AARS2: variants seen among roughly 807,000 people sequenced by gnomAD.
AARS2 encodes the protein alanyl-tRNA synthetase 2, mitochondrial, also known as alanine--tRNA ligase, mitochondrial.
AARS2 carries 78 observed loss-of-function variants against 119.7 expected under a neutral mutation model. The observed-to-expected ratio is 0.65, with a 90% CI of 0.54 to 0.79. AARS2 has a LOEUF of 0.79. Ranked by LOEUF, AARS2 falls within the 30% of genes least tolerant of loss-of-function variation. AARS2 has a pLI of 0.00. For missense variants in AARS2, 1,157 were observed against 1,291.3 expected, an observed-to-expected ratio of 0.90 and a Z score of 1.59; for synonymous variants, 502 against 526.3, an observed-to-expected ratio of 0.95 and a Z score of 0.63.
At position 44,311,133 on chromosome 6, in the gene AARS2, CA is replaced by C. The variant is rs745314479; in HGVS notation, c.609del (p.Phe203LeufsTer36). 14 of 1,614,114 alleles carry C rather than the reference CA, an allele frequency of 8.7e-6. No homozygotes were observed. In the East Asian group the frequency reaches 3.1e-4, roughly 36 times the overall value. ...ATCTCCCAGAAGTTCTCTTGTGGTC[CA>C]AAGGAAAGCACACGGCTAGCAGGCA... Reference protein sequence around the residue: ...LGVPASRVLSFGPQENFWEMG... With the variant: ...LGVPASRVLSXGPQENFWEMG... On this transcript the variant is annotated frameshift_variant, in exon 4 of 22. Transcript: ENST00000244571. LOFTEE classifies it high-confidence loss of function.
In AARS2 at chr6:44,305,873, C is replaced by T; in HGVS notation, c.1301-87G>A. ...AAATAAGGTCCAGGGCCCTTCTAAC[C>T]ACGCAGAAGCCACCAGATGCCAAAC... On this transcript the variant is annotated intron_variant, in intron 9 of 21. Transcript: ENST00000244571. The surrounding 1 kb of genome is among the most constrained non-coding windows in gnomAD (Gnocchi z 4.6). 1 of 1,513,264 alleles carries T rather than the reference C, an allele frequency of 6.6e-7. No homozygotes were observed. The highest frequency in any genetic ancestry group is 9.1e-7 in the Non-Finnish European group (1 of 1,093,544). The allele number at this position is 1,513,264 out of a possible 1,614,324, so 93.7% of individuals were successfully genotyped here. A position where few individuals can be genotyped will look rare whatever the true frequency, so the allele number is the denominator to read the frequency against.
At position 44,303,308 on chromosome 6, in the gene AARS2, G is replaced by A. The variant is rs763985033; in HGVS notation, c.2123C>T (p.Pro708Leu). 1 of 1,614,156 alleles carries A rather than the reference G, an allele frequency of 6.2e-7. No individual in the cohort carries two copies. Among genetic ancestry groups the A allele is most frequent in the South Asian group, 1.1e-5 (1 of 91,092 alleles). The change falls in exon 15 of 22, where the codon CCT becomes CTT. Residue 708 changes from proline to leucine, a missense_variant. By Grantham distance (98) the Pro-to-Leu change is moderately conservative. Coordinates refer to ENST00000244571, the MANE Select transcript of AARS2 (RefSeq NM_020745.4). ...CACCTCATCCAGAGAGCGCAGGCCAGGGACCTGGGCAGTGAGCGCCAGGGG... is the reference window on the plus strand; with the variant it reads ...CACCTCATCCAGAGAGCGCAGGCCAAGGACCTGGGCAGTGAGCGCCAGGGG... Reference protein sequence around the residue: ...EVPLALTAQVPGLRSLDEVYP... With the variant: ...EVPLALTAQVLGLRSLDEVYP...
chr6:44,309,262 G>T (rs1239681228), intron 5 of AARS2, among the ~76,000 whole-genome samples: 1 of 152,102 alleles, frequency 6.6e-6, no homozygotes, highest in Admixed American at 6.6e-5. Context: ...CACCCCTACT[G>T]CCCCCAAACT....
At chr6:44,311,586 A>G in intron 2 of AARS2, 51 bp from the exon 3 acceptor site, 1 of 1,601,068 alleles carries the variant, frequency 6.2e-7, no homozygotes, top group Non-Finnish European at 8.5e-7. Context: ...TGAGAGGGAG[A>G]CCCCACTGAA....
intron 15 of AARS2, 48 bp downstream of exon 15, chr6:44,303,238 G>A (rs1785516328): frequency 4.3e-6 from 7 of 1,613,928 alleles, no homozygotes; most frequent in Non-Finnish European, 5.9e-6. Flanking sequence ...CTCCAGGTAT[G>A]CCTGAAGGAG....
chr6:44,310,640 C>T (rs778690256), intron 4 of AARS2, among the ~76,000 whole-genome samples, 197 bp from the exon 5 acceptor site: 1 of 152,242 alleles, frequency 6.6e-6, no homozygotes, highest in Non-Finnish European at 1.5e-5. Flanking sequence ...TCATATAGGG[C>T]TATTTCCATT....
intron 15 of AARS2, 22 bp from the exon 16 acceptor site, chr6:44,303,197 C>T (rs899329209): frequency 1.5e-5 from 24 of 1,613,944 alleles, no homozygotes; most frequent in Non-Finnish European, 1.9e-5. Context: ...AGGGGACAGG[C>T]CCGTTAACTG....
At chr6:44,304,899 ACCCCC>A in intron 11 of AARS2, 82 bp from the exon 12 acceptor site, 4 of 1,607,334 alleles carry the variant, frequency 2.5e-6, no homozygotes, top group Non-Finnish European at 3.4e-6. Context: ...GCCAACAAGC[ACCCCC>A]GCTGGCAGGG....
At position 44,308,772 on chromosome 6, in the gene AARS2, C is replaced by T. The variant is rs540317000; in HGVS notation, c.895-1378G>A. ...GTGCCACCATGCCTGGCTGATTTTT[C>T]TATTTTTTTAGTAGAGACAGGATTT... is the stretch of plus-strand genomic sequence containing the variant. On this transcript the variant is annotated intron_variant, in intron 5 of 21. Coordinates refer to ENST00000244571, the MANE Select transcript of AARS2 (RefSeq NM_020745.4). Among the ~76,000 whole-genome samples, 298 of 152,018 alleles carry T rather than the reference C, an allele frequency of 2.0e-3. 1 individual carries two copies. Among genetic ancestry groups the T allele is most frequent in the African/African-American group, 6.5e-3 (271 of 41,496 alleles).
chr6:44,307,076 G>A lies in AARS2; in HGVS notation c.1041-45C>T. 4 of 1,606,916 alleles carry A rather than the reference G, an allele frequency of 2.5e-6. No homozygotes were observed. Among genetic ancestry groups the A allele is most frequent in the Non-Finnish European group, 3.4e-6 (4 of 1,174,040 alleles). On this transcript the variant is annotated intron_variant, in intron 6 of 21. Transcript: ENST00000244571. The surrounding 1 kb of genome is among the most constrained non-coding windows in gnomAD (Gnocchi z 4.4). ...AGACATGAATCCCCAGCGGCTCATG[G>A]TCAGCAATATGGGGAGTGGGAAGGA... is the stretch of plus-strand genomic sequence containing the variant.
At chr6:44,311,924 T>G in intron 2 of AARS2, 148 bp downstream of exon 2, 1 of 967,642 alleles carries the variant, frequency 1.0e-6, no homozygotes, top group Non-Finnish European at 1.7e-6. Flanking sequence ...TACAATCCAA[T>G]CAGGGAGGTG....
chr6:44,313,342 C>CT lies in AARS2; in HGVS notation c.-20dup. On this transcript the variant is annotated 5_prime_UTR_variant, in exon 1 of 22. Transcript: ENST00000244571. ...CTGCCATCGTAGCTCCGGGCAGTGA[C>CT]TTTACGTGGTCAAAGAGTGACGAGG... 2 of 1,597,296 alleles carry CT rather than the reference C, an allele frequency of 1.3e-6. No individual in the cohort carries two copies. The highest frequency in any genetic ancestry group is 2.2e-5 in the South Asian group (2 of 90,530).
In AARS2 at chr6:44,305,712, C is replaced by G. The variant is rs768123515; in HGVS notation, c.1375G>C (p.Glu459Gln). Residue 459 changes from glutamate (E) to glutamine (Q), a missense_variant, in exon 10 of 22, where the codon GAG (glutamate) becomes CAG (glutamine). By Grantham distance (29) the Glu-to-Gln change is conservative. Transcript: ENST00000244571. The surrounding 1 kb of genome is among the most constrained non-coding windows in gnomAD (Gnocchi z 4.6). ...PLDMVELMLEEKGVQLDSAGL... is the reference protein window; with the variant it reads ...PLDMVELMLEQKGVQLDSAGL... ...GCGGAGTCTAGCTGGACCCCTTTCT[C>G]CTCCAGCATCAGCTCTACCATGTCC... 4 of 1,614,042 alleles carry G rather than the reference C, an allele frequency of 2.5e-6. No individual in the cohort carries two copies. In the East Asian group the frequency reaches 8.9e-5, roughly 36 times the overall value.
At position 44,311,038 on chromosome 6, in the gene AARS2, G is replaced by A. The variant is rs1358890634; in HGVS notation, c.705C>T (p.Pro235=). ...HYDLAGGVGA[P]QLVELWNLVF... ...CCAGGTTCCAAAGCTCTACCAGCTG[G>A]GGGGCTCCCACCCCACCAGCAAGGT... The change falls in exon 4 of 22, where the codon CCC becomes CCT. Residue 235 remains proline (P), a synonymous_variant. Transcript: ENST00000244571. The A allele has an allele frequency of 1.3e-5, 21 of 1,613,876 alleles. No individual in the cohort carries two copies. The South Asian group carries it at 2.2e-4, about 17-fold the overall frequency.
At position 44,305,613 on chromosome 6, in the gene AARS2, T is replaced by C. The variant is rs1354055997; in HGVS notation, c.1434+40A>G. 2 of 1,612,374 alleles carry C rather than the reference T, an allele frequency of 1.2e-6. No individual in the cohort carries two copies. Among genetic ancestry groups the C allele is most frequent in the African/African-American group, 1.3e-5 (1 of 74,792 alleles). On this transcript the variant is annotated intron_variant, in intron 10 of 21. Coordinates refer to ENST00000244571, the MANE Select transcript of AARS2 (RefSeq NM_020745.4). This position sits in a 1 kb window ranked among gnomAD's most constrained non-coding sequence, Gnocchi z 4.6. ...CAGGAGCTCAGGGCTGGGGAAGAGG[T>C]GTCCTAACAGAACCCAGCATGGGGT...
Position 44,303,290 on chromosome 6 carries a change from T to A in AARS2, c.2141A>T (p.Asp714Val), listed in dbSNP as rs766719898. 1 of 1,613,938 alleles carries A rather than the reference T, an allele frequency of 6.2e-7. No individual in the cohort carries two copies. Among genetic ancestry groups the A allele is most frequent in the Non-Finnish European group, 8.5e-7 (1 of 1,180,024 alleles). Reference sequence around the variant, plus strand: ...AAAAGGGCTTCCCCAACTCACCTCATCCAGAGAGCGCAGGCCAGGGACCTG... The same window carrying A: ...AAAAGGGCTTCCCCAACTCACCTCAACCAGAGAGCGCAGGCCAGGGACCTG... ...TAQVPGLRSL[D>V]EVYPDPVRVV... The change falls in exon 15 of 22, where the codon GAT becomes GTT. Residue 714 changes from aspartate (D) to valine (V), a missense_variant. Physicochemically the swap from Asp to Val is radical, Grantham distance 152. Coordinates refer to ENST00000244571, the MANE Select transcript of AARS2 (RefSeq NM_020745.4).
In AARS2 at chr6:44,303,437, G is replaced by A. The variant is rs754513179; in HGVS notation, c.2008-14C>T. 7.4e-6 allele frequency: 12 copies of A among 1,613,870 alleles called. No homozygotes were observed. In the South Asian group the frequency reaches 8.8e-5, roughly 12 times the overall value. On this transcript the variant is annotated splice_polypyrimidine_tract_variant and intron_variant, in intron 14 of 21. Coordinates refer to ENST00000244571, the MANE Select transcript of AARS2 (RefSeq NM_020745.4). ...GGTCAATGGGGTCTGGAGGGGTGGG[G>A]AGGAAATGGAAAGACCAACATGCAG...
At chr6:44,303,604 T>C (rs1561938543) in intron 14 of AARS2, among the ~76,000 whole-genome samples, 181 bp from the exon 15 acceptor site, 1 of 152,222 alleles carries the variant, frequency 6.6e-6, no homozygotes, top group Non-Finnish European at 1.5e-5. Context: ...TAGAAAGCTA[T>C]CTGGGAGTTG....
In AARS2 at chr6:44,299,258, CCTT is replaced by C. The variant is rs886314215; in HGVS notation, c.*1286_*1288del. The stretch of plus-strand genomic sequence containing the variant: ...CCTCATCACCATCTGACACTTTCTC[CCTT>C]CTTTTTTTTAAGACAGGGTCTCACT... On this transcript the variant is annotated 3_prime_UTR_variant, in exon 22 of 22. Coordinates refer to ENST00000244571, the MANE Select transcript of AARS2 (RefSeq NM_020745.4). Among the ~76,000 whole-genome samples the C allele has an allele frequency of 3.4e-5, 1 of 29,096 alleles. No homozygotes were observed. Among genetic ancestry groups the C allele is most frequent in the African/African-American group, 4.8e-5 (1 of 20,810 alleles). The allele number at this position is 29,096 out of a possible 152,430, so 19.1% of individuals were successfully genotyped here.
Sources: gnomAD v4.1 joint callset for allele counts (sites outside exome capture counted in the v4.1 genomes callset) on GRCh38, gnomAD v4.1.1 for gene constraint, Gnocchi (gnomAD v3.1) non-coding constraint, MANE v1.5 for transcripts, NCBI Gene and HGNC (gene_info 2026-07-23, HGNC 2026-07-21) for gene names.